The following NRG1 variants were observed in gnomAD, a reference collection of about 807,000 sequenced individuals.
The protein encoded by NRG1 is pro-neuregulin-1, membrane-bound isoform.
A neutral mutation model predicts 63.8 loss-of-function variants in NRG1; 18 were observed. The ratio of observed to expected loss-of-function variants is 0.28; its 90% CI spans 0.19 to 0.42. The LOEUF (loss-of-function observed/expected upper bound fraction) is 0.42, where lower values mean the gene tolerates loss of function less well. NRG1 is among the 10% of genes least tolerant of loss of function. NRG1 has a pLI of 1.00. For synonymous variants in NRG1, 302 were observed against 301.3 expected (o/e 1.00, Z -0.02); for missense variants, 762 against 814.7 (o/e 0.94, Z 0.79).
chr8:32,377,149 T>C (rs781450303), intron 1 of NRG1, among the ~76,000 whole-genome samples: 15 of 152,190 alleles, frequency 9.9e-5, no homozygotes, highest in Non-Finnish European at 1.9e-4. Flanking sequence ...CCAGTGCACA[T>C]AGAGTGTTCA....
intron 1 of NRG1, among the ~76,000 whole-genome samples, chr8:31,846,802 G>A (rs1320788926): frequency 6.6e-6 from 1 of 152,082 alleles, no homozygotes; most frequent in Admixed American, 6.5e-5. Flanking sequence ...GAAAAATAAT[G>A]AATATTAAAC....
At chr8:32,735,094 G>GA (rs1449716309) in intron 6 of NRG1, among the ~76,000 whole-genome samples, 3 of 152,078 alleles carry the variant, frequency 2.0e-5, no homozygotes, top group South Asian at 2.1e-4. Context: ...CTGCTCTGTG[G>GA]AAAAAAGAAT....
At chr8:32,755,744 A>G (rs1282746200) in intron 8 of NRG1, among the ~76,000 whole-genome samples, 1 of 147,228 alleles carries the variant, frequency 6.8e-6, no homozygotes, top group Non-Finnish European at 1.5e-5. Flanking sequence ...TAAATTCTAC[A>G]GCACATTTTT....
chr8:32,067,971 G>T (rs1205910893), intron 1 of NRG1, among the ~76,000 whole-genome samples: 1 of 152,152 alleles, frequency 6.6e-6, no homozygotes, highest in Non-Finnish European at 1.5e-5. Flanking sequence ...TGCTTGTGTA[G>T]TTTTTCAGAA....
At chr8:31,649,695 A>C (rs909903930) in intron 1 of NRG1, among the ~76,000 whole-genome samples, 1 of 152,230 alleles carries the variant, frequency 6.6e-6, no homozygotes, top group African/African-American at 2.4e-5. Flanking sequence ...TAAGCTTAGA[A>C]ATAAAAACAA....
intron 1 of NRG1, among the ~76,000 whole-genome samples, chr8:32,157,358 C>CAAAAAAAAA (rs11434397): frequency 1.7e-5 from 1 of 58,620 alleles, no homozygotes; most frequent in South Asian, 6.5e-4. Context: ...GACTCTGTCT[C>CAAAAAAAAA]AAAAAAAAAA....
intron 1 of NRG1, among the ~76,000 whole-genome samples, chr8:32,048,384 AAT>A (rs1455858806): frequency 4.8e-5 from 7 of 147,342 alleles, no homozygotes; most frequent in African/African-American, 1.7e-4. Flanking sequence ...TATATGTATG[AAT>A]ATATATACAT....
At chr8:32,256,919 A>C (rs1849787668) in intron 1 of NRG1, among the ~76,000 whole-genome samples, 2 of 152,066 alleles carry the variant, frequency 1.3e-5, no homozygotes, top group South Asian at 4.1e-4. Flanking sequence ...TGTTCCAGGG[A>C]GATGGGAGTT....
chr8:32,509,711 T>C (rs1297612933), intron 1 of NRG1, among the ~76,000 whole-genome samples: 1 of 152,126 alleles, frequency 6.6e-6, no homozygotes, highest in Non-Finnish European at 1.5e-5. Context: ...TTTGTTAGTT[T>C]CATTTTGGAT....
At chr8:31,844,449 T>C (rs1049825713) in intron 1 of NRG1, among the ~76,000 whole-genome samples, 1 of 152,148 alleles carries the variant, frequency 6.6e-6, no homozygotes, top group African/African-American at 2.4e-5. Flanking sequence ...TGCCTCTAGG[T>C]AGAAGCTCAT....
intron 1 of NRG1, among the ~76,000 whole-genome samples, chr8:31,874,169 G>A (rs1038262913): frequency 1.3e-5 from 2 of 152,130 alleles, no homozygotes; most frequent in African/African-American, 4.8e-5. Flanking sequence ...ACAAATTCAG[G>A]CGAATGAGTC....
chr8:31,937,224 G>A (rs117240639), intron 1 of NRG1, among the ~76,000 whole-genome samples: 3,311 of 152,184 alleles, frequency 0.022, 54 homozygotes, highest in Non-Finnish European at 0.032. Flanking sequence ...AAAAGAAAAT[G>A]GGCTTGAATA....
At chr8:32,171,911 C>A (rs186292084) in intron 1 of NRG1, among the ~76,000 whole-genome samples, 1 of 152,192 alleles carries the variant, frequency 6.6e-6, no homozygotes, top group East Asian at 1.9e-4. Context: ...GTAGACTCCA[C>A]CTCTGGGGGC....
At chr8:32,649,159 C>CTTTTTTTTTTTTTTTTTTTTTT (rs35558760) in intron 5 of NRG1, among the ~76,000 whole-genome samples, 5 of 123,364 alleles carry the variant, frequency 4.1e-5, no homozygotes, top group African/African-American at 9.2e-5. Context: ...TGAGGTACAT[C>CTTTTTTTTTTTTTTTTTTTTTT]TTTTTTTTTT....
At position 31,857,150 on chromosome 8, in the gene NRG1, G is replaced by C. The variant is rs550679778; in HGVS notation, c.37+217719G>C. On this transcript the variant is annotated intron_variant, in intron 1 of 10. Coordinates refer to the NRG1 transcript ENST00000519301. ...CTGTGGTGGGCTCCACCCAGTTCCA[G>C]CTTCCCCCCTGCTTTGTTTACCTAA... Among the ~76,000 whole-genome samples, 5 of 152,346 alleles carry C rather than the reference G, an allele frequency of 3.3e-5. No individual in the cohort carries two copies. In the South Asian group the frequency reaches 1.0e-3, roughly 32 times the overall value.
chr8:32,130,864 G>T (rs1377824293), intron 1 of NRG1, among the ~76,000 whole-genome samples: 2 of 151,906 alleles, frequency 1.3e-5, no homozygotes, highest in East Asian at 3.9e-4. Context: ...GGGAAAGAAG[G>T]CAGGGTTGAA....
chr8:32,749,223 T>G, intron 7 of NRG1: 1 of 269,336 alleles, frequency 3.7e-6, no homozygotes, highest in Non-Finnish European at 7.0e-6. Flanking sequence ...CAAATGCCTT[T>G]TCTGATTATA....
intron 1 of NRG1, among the ~76,000 whole-genome samples, chr8:31,908,419 G>A (rs947301555): frequency 6.6e-6 from 1 of 152,196 alleles, no homozygotes. Context: ...TTTGTATGGA[G>A]AGGTAACACT....
At chr8:32,186,090 C>A (rs1841933739) in intron 1 of NRG1, among the ~76,000 whole-genome samples, 1 of 152,120 alleles carries the variant, frequency 6.6e-6, no homozygotes, top group Non-Finnish European at 1.5e-5. Context: ...TGACAGAAAA[C>A]CTCTGGCTAT....
Sources: allele counts gnomAD v4.1 joint callset (sites outside exome capture counted in the v4.1 genomes callset), GRCh38; gene constraint gnomAD v4.1.1; transcripts MANE v1.5; gene names NCBI Gene and HGNC (gene_info 2026-07-23, HGNC 2026-07-21).